The following BBS9 variants were observed in gnomAD, a reference collection of about 807,000 sequenced individuals.
BBS9 encodes the protein protein PTHB1.
In BBS9, 89 loss-of-function variants were observed where a neutral mutation model predicts 117.7. The observed-to-expected ratio is 0.76, with a 90% CI of 0.64 to 0.90. BBS9 has a LOEUF of 0.90. Ranked by LOEUF, BBS9 falls within the 40% of genes least tolerant of loss-of-function variation. The pLI, the probability that BBS9 is intolerant of heterozygous loss-of-function variation, is 0.00. For synonymous variants in BBS9, 379 were observed against 370.9 expected (o/e 1.02, Z -0.25); for missense variants, 982 against 1,042.2 (o/e 0.94, Z 0.80).
intron 9 of BBS9, among the ~76,000 whole-genome samples, chr7:33,285,068 A>G (rs533149230): frequency 8.1e-4 from 123 of 152,264 alleles, no homozygotes; most frequent in Admixed American, 2.2e-3. Context: ...GGACAATTTT[A>G]TAGAATTTGC....
At chr7:33,487,149 C>T (rs1843223358) in intron 19 of BBS9, among the ~76,000 whole-genome samples, 4 of 152,296 alleles carry the variant, frequency 2.6e-5, no homozygotes, top group Admixed American at 2.0e-4. Flanking sequence ...TATAATCTGG[C>T]CAATCTTTAC....
intron 19 of BBS9, among the ~76,000 whole-genome samples, chr7:33,464,759 T>G (rs866883463): frequency 1.4e-4 from 21 of 152,084 alleles, no homozygotes; most frequent in Middle Eastern, 6.8e-3. Flanking sequence ...CATGAGTCTA[T>G]TACATAACTA....
intron 21 of BBS9, among the ~76,000 whole-genome samples, chr7:33,626,978 G>A (rs1865666606): frequency 6.6e-6 from 1 of 152,234 alleles, no homozygotes; most frequent in Non-Finnish European, 1.5e-5. Context: ...GCAGAAATGT[G>A]CATAAGTAAA....
chr7:33,232,171 C>A lies in BBS9; in HGVS notation c.443-25065C>A, dbSNP rs567978076. 8.5e-5 allele frequency among the ~76,000 whole-genome samples: 13 copies of A among 152,212 alleles called. No homozygotes were observed. In the South Asian group the frequency reaches 2.3e-3, roughly 27 times the overall value. ...GGATTAGTTCTTTGGTACTATTATA[C>A]ATTTTATTTTGAGGAAGTGACTATT... On this transcript the variant is annotated intron_variant, in intron 5 of 22. Coordinates refer to ENST00000242067, the MANE Select transcript of BBS9 (RefSeq NM_198428.3).
At chr7:33,159,273 G>A (rs764237379) in intron 4 of BBS9, among the ~76,000 whole-genome samples, 7 of 152,128 alleles carry the variant, frequency 4.6e-5, no homozygotes, top group Non-Finnish European at 7.4e-5. Flanking sequence ...TTGTAAATGT[G>A]CTTATTTCAT....
intron 5 of BBS9, among the ~76,000 whole-genome samples, chr7:33,236,325 CA>C (rs11382813): frequency 8.1e-5 from 10 of 123,454 alleles, no homozygotes; most frequent in Admixed American, 8.8e-5. Context: ...TACTCCATCT[CA>C]AAAAAAAAAA....
At chr7:33,195,321 C>T (rs926814742) in intron 5 of BBS9, among the ~76,000 whole-genome samples, 2 of 152,052 alleles carry the variant, frequency 1.3e-5, no homozygotes, top group Admixed American at 6.6e-5. Flanking sequence ...TTTTAGAACA[C>T]GTTAGCTCAG....
At chr7:33,529,138 A>G (rs1850159803) in intron 20 of BBS9, among the ~76,000 whole-genome samples, 1 of 152,230 alleles carries the variant, frequency 6.6e-6, no homozygotes, top group Non-Finnish European at 1.5e-5. Flanking sequence ...GGCTCACAGA[A>G]AAAGGGCACA....
At chr7:33,575,460 G>T (rs1472504649) in intron 21 of BBS9, among the ~76,000 whole-genome samples, 1 of 152,070 alleles carries the variant, frequency 6.6e-6, no homozygotes, top group Non-Finnish European at 1.5e-5. Flanking sequence ...TGGATTCACG[G>T]CCAATTTCTA....
rs546308017 is a variant in BBS9 at position 33,412,809 on chromosome 7, G to A, written c.2115+24665G>A. Among the ~76,000 whole-genome samples, 4 of 152,274 alleles carry A rather than the reference G, an allele frequency of 2.6e-5. No homozygotes were observed. The East Asian group carries it at 7.7e-4, about 29-fold the overall frequency. On this transcript the variant is annotated intron_variant, in intron 19 of 22. Coordinates refer to ENST00000242067, the MANE Select transcript of BBS9 (RefSeq NM_198428.3). ...AATTAGGTATACAGTTCTTTTTAAA[G>A]CATGTTTTTCATGAGCCTGAATCAT...
At chr7:33,331,607 TAAC>T (rs1482782150) in intron 9 of BBS9, among the ~76,000 whole-genome samples, 5 of 143,018 alleles carry the variant, frequency 3.5e-5, no homozygotes, top group African/African-American at 1.3e-4. Context: ...TGCTATACAC[TAAC>T]AACAACAAAA....
At chr7:33,389,750 G>A (rs1006063546) in intron 19 of BBS9, among the ~76,000 whole-genome samples, 8 of 149,148 alleles carry the variant, frequency 5.4e-5, no homozygotes, top group Admixed American at 5.3e-4. Flanking sequence ...GCAATTTAAA[G>A]GACAGTCTAT....
chr7:33,263,036 T>A (rs12673354), intron 6 of BBS9, among the ~76,000 whole-genome samples: 1 of 152,086 alleles, frequency 6.6e-6, no homozygotes, highest in Non-Finnish European at 1.5e-5. Context: ...CCATTGTTAA[T>A]GTTTGTATTG....
rs192953216 is a variant in BBS9, at chr7:33,477,563, A to C, written c.2116-27900A>C. 4.9e-3 allele frequency among the ~76,000 whole-genome samples: 744 copies of C among 152,246 alleles called. 16 individuals carry two copies. The South Asian group carries it at 0.067, about 14-fold the overall frequency. ...TAAGGACTTCAATTTTAAGAGAATA[A>C]GGAAGGCTCTCCCAATCACATGGAT... On this transcript the variant is annotated intron_variant, in intron 19 of 22. Coordinates refer to ENST00000242067, the MANE Select transcript of BBS9 (RefSeq NM_198428.3).
intron 19 of BBS9, among the ~76,000 whole-genome samples, chr7:33,479,647 G>T (rs188106678): frequency 2.0e-5 from 3 of 152,172 alleles, no homozygotes; most frequent in African/African-American, 7.2e-5. Flanking sequence ...GGGTTGAATG[G>T]TAGTTCAACT....
chr7:33,633,214 C>T (rs982215622), intron 21 of BBS9, among the ~76,000 whole-genome samples: 8 of 151,926 alleles, frequency 5.3e-5, no homozygotes, highest in African/African-American at 1.9e-4. Flanking sequence ...TTGTTTGTTC[C>T]TATAAGGCAA....
intron 4 of BBS9, among the ~76,000 whole-genome samples, chr7:33,163,316 C>T (rs951224079): frequency 2.7e-4 from 41 of 152,166 alleles, no homozygotes; most frequent in African/African-American, 9.4e-4. Context: ...CTCTGCCAGC[C>T]TTTGGTATCA....
chr7:33,384,715 T>TGA (rs60567131), intron 18 of BBS9, among the ~76,000 whole-genome samples: 11,358 of 144,708 alleles, frequency 0.078, 467 homozygotes, highest in Middle Eastern at 0.1. Flanking sequence ...TGTGTGTGTG[T>TGA]GAGAGAGAGA....
chr7:33,528,976 A>G (rs1405578024), intron 20 of BBS9, among the ~76,000 whole-genome samples: 3 of 152,214 alleles, frequency 2.0e-5, no homozygotes, highest in African/African-American at 4.8e-5. Flanking sequence ...ATTTAGGCCT[A>G]TTGACCAGTG....
Sources: allele counts gnomAD v4.1 joint callset (sites outside exome capture counted in the v4.1 genomes callset), GRCh38; gene constraint gnomAD v4.1.1; transcripts MANE v1.5; gene names NCBI Gene and HGNC (gene_info 2026-07-23, HGNC 2026-07-21).